Variants in LYST observed in about 807,000 individuals in gnomAD.
The protein encoded by LYST is lysosomal trafficking regulator.
LYST carries 192 observed loss-of-function variants against 413.6 expected under a neutral mutation model. That is an observed-to-expected ratio of 0.46 (90% CI 0.41 to 0.52). The LOEUF is 0.52. Among genes scored for constraint, LYST ranks in the 20% least tolerant of loss-of-function variants. The pLI is 0.00. For synonymous variants in LYST, 1,525 were observed against 1,567.3 expected (o/e 0.97, Z 0.64); for missense variants, 3,815 against 4,499.9 (o/e 0.85, Z 4.35).
In LYST at chr1:235,719,662, A is replaced by AC. The variant is rs542942103; in HGVS notation, c.9560+998dup. On this transcript the variant is annotated intron_variant, in intron 40 of 52. Transcript: ENST00000389793. ...AAAAAGGAAAATATATATAAAGCTC[A>AC]CATCACCACCTATAAAGGATTCTTG... Among the ~76,000 whole-genome samples the AC allele has an allele frequency of 2.6e-3, 399 of 151,510 alleles. 1 individual carries two copies. Among genetic ancestry groups the AC allele is most frequent in the Non-Finnish European group, 4.7e-3 (322 of 67,930 alleles).
At chr1:235,700,792 A>T (rs527442836) in intron 45 of LYST, among the ~76,000 whole-genome samples, 1 of 152,368 alleles carries the variant, frequency 6.6e-6, no homozygotes, top group African/African-American at 2.4e-5. Context: ...CTGAGTGTCT[A>T]TTATATGCCC....
intron 45 of LYST, among the ~76,000 whole-genome samples, chr1:235,697,603 T>C (rs1661210054): frequency 6.6e-6 from 1 of 152,208 alleles, no homozygotes; most frequent in African/African-American, 2.4e-5. Flanking sequence ...TGATACTTAC[T>C]GGAGGACTGT....
At chr1:235,782,218 GC>G in intron 14 of LYST, 131 bp from the exon 15 acceptor site, 1 of 771,668 alleles carries the variant, frequency 1.3e-6, no homozygotes. Flanking sequence ...TCGCTCTGTT[GC>G]CCAGGTTGGC....
At position 235,712,162 on chromosome 1, in the gene LYST, A is replaced by G; in HGVS notation, c.9820T>C (p.Ser3274Pro). 1 of 1,585,318 alleles carries G rather than the reference A, an allele frequency of 6.3e-7. No homozygotes were observed. Among genetic ancestry groups the G allele is most frequent in the Non-Finnish European group, 8.6e-7 (1 of 1,161,764 alleles). ...SFDIPDRTFHSTNTTWRLSSF... is the reference protein window; with the variant it reads ...SFDIPDRTFHPTNTTWRLSSF... Reference sequence around the variant, plus strand: ...GAGAGTCGCCAAGTTGTATTTGTAGAATGAAAAGTTCTGTCTGGAATGTCA... The same window carrying G: ...GAGAGTCGCCAAGTTGTATTTGTAGGATGAAAAGTTCTGTCTGGAATGTCA... The change falls in exon 43 of 53, where the codon TCT becomes CCT. Residue 3274 changes from serine to proline, a missense_variant. Ser to Pro is a moderately conservative substitution (Grantham distance 74, BLOSUM62 -1). Transcript: ENST00000389793.
intron 10 of LYST, among the ~76,000 whole-genome samples, chr1:235,796,294 A>G (rs1671550277): frequency 2.0e-5 from 3 of 152,204 alleles, no homozygotes; most frequent in Admixed American, 2.0e-4. Context: ...CTTTTAAAAC[A>G]TGCTTCAAAG....
chr1:235,697,463 G>A (rs1661201097), intron 45 of LYST, among the ~76,000 whole-genome samples, 191 bp from the exon 46 acceptor site: 1 of 151,978 alleles, frequency 6.6e-6, no homozygotes, highest in Non-Finnish European at 1.5e-5. Context: ...CCTTATTTGA[G>A]TTTTACTCTG....
At chr1:235,757,240 T>G (rs753481684) in intron 24 of LYST, 41 bp downstream of exon 24, 1 of 1,378,512 alleles carries the variant, frequency 7.3e-7, no homozygotes. Flanking sequence ...TATATATTTA[T>G]TTTTCTGAAT....
Position 235,687,041 on chromosome 1 carries a change from T to C in LYST, c.10708A>G (p.Ser3570Gly), listed in dbSNP as rs1660271579. Residue 3570 changes from serine (S) to glycine (G), a missense_variant, in exon 48 of 53, where the codon AGT (serine) becomes GGT (glycine). Physicochemically the swap from Ser to Gly is moderately conservative, Grantham distance 56 (BLOSUM62 0). Transcript: ENST00000389793. Reference sequence around the variant, plus strand: ...CAACTGTCAGGCACCCAAGCACAACTAGTCACCTTTGAAAAAGGACCAATC... The same window carrying C: ...CAACTGTCAGGCACCCAAGCACAACCAGTCACCTTTGAAAAAGGACCAATC... ...IQSSQQYQVT[S>G]CAWVPDSCQL... The C allele has an allele frequency of 2.5e-6, 4 of 1,610,288 alleles. No individual in the cohort carries two copies. In the African/African-American group the frequency reaches 4.0e-5, roughly 16 times the overall value.
chr1:235,821,117 TG>T (rs1674702762), intron 3 of LYST, among the ~76,000 whole-genome samples: 1 of 152,242 alleles, frequency 6.6e-6, no homozygotes, highest in Non-Finnish European at 1.5e-5. Flanking sequence ...ATGCTTGTAT[TG>T]GTCCCACGTA....
At chr1:235,708,731 CA>C in intron 44 of LYST, among the ~76,000 whole-genome samples, 2 of 152,212 alleles carry the variant, frequency 1.3e-5, no homozygotes, top group Middle Eastern at 6.8e-3. Context: ...TGTGCTTTAC[CA>C]GGGGTAGATT....
At chr1:235,680,889 G>A (rs775007215) in intron 48 of LYST, among the ~76,000 whole-genome samples, 2 of 152,194 alleles carry the variant, frequency 1.3e-5, no homozygotes, top group Admixed American at 6.5e-5. Context: ...GTGAGCCACC[G>A]CGCCTGGCCT....
intron 45 of LYST, among the ~76,000 whole-genome samples, chr1:235,700,727 C>T (rs143083554): frequency 2.7e-4 from 41 of 152,274 alleles, no homozygotes; most frequent in African/African-American, 9.4e-4. Context: ...CACAGAAATG[C>T]AGCAAACCAA....
Position 235,664,350 on chromosome 1 carries a change from G to T in LYST, c.11195+115C>A. 1.0e-6 allele frequency: 1 copy of T among 953,850 alleles called. No homozygotes were observed. Among genetic ancestry groups the T allele is most frequent in the Non-Finnish European group, 1.6e-6 (1 of 618,586 alleles). 59.1% of individuals were successfully genotyped at this position (953,850 alleles called of 1,614,324 possible). A position where few individuals can be genotyped will look rare whatever the true frequency, so the allele number is the denominator to read the frequency against. ...AACTAAAGAACCTACACCCCAAGGT[G>T]AGTTTAAATCTCTAAATACTGAATA... On this transcript the variant is annotated intron_variant, in intron 51 of 52. Coordinates refer to ENST00000389793, the MANE Select transcript of LYST (RefSeq NM_000081.4). The surrounding 1 kb of genome is among the most constrained non-coding windows in gnomAD (Gnocchi z 4.5).
chr1:235,766,016 CA>C, intron 21 of LYST, 62 bp downstream of exon 21: 1 of 1,205,104 alleles, frequency 8.3e-7, no homozygotes. Context: ...AAATGTGAAT[CA>C]AGTGGGAAGA....
At chr1:235,792,147 T>C (rs751832714) in intron 11 of LYST, 22 bp from the exon 12 acceptor site, 8 of 1,479,452 alleles carry the variant, frequency 5.4e-6, no homozygotes, top group African/African-American at 2.8e-5. Context: ...GAAAAACAAA[T>C]GAAACTTTCT....
intron 7 of LYST, among the ~76,000 whole-genome samples, chr1:235,803,637 A>T (rs574910384): frequency 6.6e-6 from 1 of 152,244 alleles, no homozygotes; most frequent in East Asian, 1.9e-4. Context: ...AATTCCACTA[A>T]TACCTTCATT....
Position 235,734,626 on chromosome 1 carries a change from A to G in LYST, c.8392T>C (p.Leu2798=), listed in dbSNP as rs150358286. The G allele has an allele frequency of 4.5e-5, 73 of 1,611,780 alleles. No homozygotes were observed. The highest frequency in any genetic ancestry group is 5.8e-5 in the Non-Finnish European group (68 of 1,178,500). Residue 2798 remains leucine (L), a synonymous_variant, in exon 32 of 53, where the codon TTG becomes CTG. Transcript: ENST00000389793. ...AATTCACCTTGGTGATTATGTATCAACTCTGACAAATACAAAACTAACTTG... is the reference window on the plus strand; with the variant it reads ...AATTCACCTTGGTGATTATGTATCAGCTCTGACAAATACAAAACTAACTTG... ...GAKLVLYLSE[L]IHNHQGELTE...
At chr1:235,676,224 T>C (rs1277499541) in intron 50 of LYST, among the ~76,000 whole-genome samples, 3 of 152,244 alleles carry the variant, frequency 2.0e-5, no homozygotes, top group African/African-American at 7.2e-5. Flanking sequence ...GCTCTCTGTC[T>C]GAACCTGGAA....
chr1:235,863,680 C>T (rs1680166756), intron 1 of LYST, among the ~76,000 whole-genome samples: 1 of 151,932 alleles, frequency 6.6e-6, no homozygotes, highest in Non-Finnish European at 1.5e-5. Context: ...CTAGGTTGGT[C>T]CAAAAGAATT....
Sources: allele counts gnomAD v4.1 joint callset (sites outside exome capture counted in the v4.1 genomes callset), GRCh38; gene constraint gnomAD v4.1.1; non-coding constraint Gnocchi (gnomAD v3.1); transcripts MANE v1.5; gene names NCBI Gene and HGNC (gene_info 2026-07-23, HGNC 2026-07-21).